FER: variants seen among roughly 807,000 people sequenced by gnomAD.
FER encodes FER tyrosine kinase.
A neutral mutation model predicts 111.0 loss-of-function variants in FER; 63 were observed. The observed-to-expected ratio is 0.57, with a 90% CI of 0.46 to 0.70. The LOEUF is 0.70. Ranked by LOEUF, FER falls within the 30% of genes least tolerant of loss-of-function variation. FER has a pLI of 0.00. For missense variants in FER, 914 were observed against 954.0 expected, an observed-to-expected ratio of 0.96 and a Z score of 0.55; for synonymous variants, 327 against 313.9, an observed-to-expected ratio of 1.04 and a Z score of -0.44.
At chr5:108,903,975 G>C (rs1400444261) in intron 10 of FER, among the ~76,000 whole-genome samples, 2 of 152,110 alleles carry the variant, frequency 1.3e-5, no homozygotes, top group Non-Finnish European at 2.9e-5. Context: ...TTTTACACAA[G>C]TGTTACAGCA....
intron 13 of FER, among the ~76,000 whole-genome samples, chr5:109,029,900 T>G (rs1464578634): frequency 1.3e-5 from 2 of 152,184 alleles, no homozygotes; most frequent in Non-Finnish European, 2.9e-5. Context: ...ATTATTTCTT[T>G]AAGTACTCTT....
At chr5:108,944,850 A>AATCTAT (rs376764528) in intron 10 of FER, among the ~76,000 whole-genome samples, 1 of 152,046 alleles carries the variant, frequency 6.6e-6, no homozygotes, top group African/African-American at 2.4e-5. Context: ...CCTTCATATG[A>AATCTAT]AAAGATGTTT....
intron 13 of FER, among the ~76,000 whole-genome samples, chr5:108,993,604 C>A (rs141831800): frequency 1.1e-3 from 115 of 108,054 alleles, no homozygotes; most frequent in African/African-American, 2.4e-3. Flanking sequence ...AGGGCGAGGG[C>A]GAGGGAGAGG....
intron 5 of FER, among the ~76,000 whole-genome samples, chr5:108,864,499 C>T (rs150545903): frequency 0.01 from 1,568 of 152,242 alleles, 28 homozygotes; most frequent in African/African-American, 0.036. Context: ...TGAGCCTAAG[C>T]AGAATGGCAA....
At position 109,192,929 on chromosome 5, in the gene FER, C is replaced by T. The variant is rs1013989399; in HGVS notation, c.*5354C>T. 6.6e-6 allele frequency: 1 copy of T among 151,834 alleles called. No individual in the cohort carries two copies. Among genetic ancestry groups the T allele is most frequent in the Non-Finnish European group, 1.5e-5 (1 of 67,936 alleles). The allele number at this position is 151,834 out of a possible 1,614,324, so 9.4% of individuals were successfully genotyped here. ...TAGTCAGGGTGCCTAAGGTAAGACA[C>T]AAAAAGAAAGAGACATCCAGAAAGG... On this transcript the variant is annotated 3_prime_UTR_variant, in exon 20 of 20. Transcript: ENST00000281092.
At position 108,897,676 on chromosome 5, in the gene FER, G is replaced by A. The variant is rs1026515840; in HGVS notation, c.1064G>A (p.Ser355Asn). ...EKKSDIVLLLSQKQALEELKQ... is the reference protein window; with the variant it reads ...EKKSDIVLLLNQKQALEELKQ... ...TCTTTTAGTATTGTGCTTCTGCTAA[G>A]CCAAAAACAGGCACTTGAAGAACTG... The change falls in exon 10 of 20, where the codon AGC becomes AAC. Residue 355 changes from serine to asparagine, a missense_variant. Ser to Asn is a conservative substitution (Grantham distance 46, BLOSUM62 1). This residue lies in a region of FER where 774 missense variants were observed against 782.6 expected (regional missense o/e 0.99). Coordinates refer to ENST00000281092, the MANE Select transcript of FER (RefSeq NM_005246.4). The A allele has an allele frequency of 1.4e-5, 22 of 1,597,034 alleles. No individual in the cohort carries two copies. Among genetic ancestry groups the A allele is most frequent in the Non-Finnish European group, 1.8e-5 (21 of 1,174,048 alleles).
chr5:108,958,362 G>T (rs1423135946), intron 12 of FER, among the ~76,000 whole-genome samples: 1 of 151,606 alleles, frequency 6.6e-6, no homozygotes, highest in East Asian at 1.9e-4. Context: ...ATCTTCCTGG[G>T]TATGAGAACT....
At chr5:108,989,878 G>A (rs116075611) in intron 13 of FER, among the ~76,000 whole-genome samples, 1,598 of 151,952 alleles carry the variant, frequency 0.011, 24 homozygotes, top group African/African-American at 0.036. Flanking sequence ...ATTTTAATTT[G>A]AAGAAGATAG....
intron 17 of FER, among the ~76,000 whole-genome samples, chr5:109,134,584 A>C (rs1354140732): frequency 6.6e-6 from 1 of 152,188 alleles, no homozygotes; most frequent in Admixed American, 6.5e-5. Context: ...ACACAGATTT[A>C]ACTTGGGTAA....
intron 10 of FER, among the ~76,000 whole-genome samples, chr5:108,932,412 A>G (rs1189256606): frequency 2.0e-5 from 3 of 152,148 alleles, no homozygotes; most frequent in African/African-American, 7.2e-5. Flanking sequence ...TTCTTTATCC[A>G]GCCTATCACT....
intron 13 of FER, among the ~76,000 whole-genome samples, chr5:108,976,126 T>C (rs73778362): frequency 0.059 from 8,922 of 152,176 alleles, 314 homozygotes; most frequent in South Asian, 0.11. Context: ...CAAGGGCCTA[T>C]GACAGATAAT....
At chr5:109,071,590 T>C (rs1464245015) in intron 16 of FER, among the ~76,000 whole-genome samples, 1 of 152,008 alleles carries the variant, frequency 6.6e-6, no homozygotes, top group Non-Finnish European at 1.5e-5. Context: ...CCTTTTAAGA[T>C]ATAGTGTTCC....
chr5:109,170,860 CTG>C (rs1757026864), intron 17 of FER, among the ~76,000 whole-genome samples: 1 of 152,160 alleles, frequency 6.6e-6, no homozygotes, highest in East Asian at 1.9e-4. Context: ...TCTACCACCT[CTG>C]TGAGGCTAGA....
chr5:108,950,222 C>A (rs1454667533), intron 11 of FER, among the ~76,000 whole-genome samples: 2 of 152,056 alleles, frequency 1.3e-5, no homozygotes. Flanking sequence ...TTGTTTAATA[C>A]AAGTTTTAGA....
intron 10 of FER, among the ~76,000 whole-genome samples, chr5:108,925,717 C>T (rs1753645825): frequency 6.6e-6 from 1 of 152,024 alleles, no homozygotes; most frequent in African/African-American, 2.4e-5. Context: ...ACGATTCTTG[C>T]TTTAATATTA....
chr5:109,089,754 C>T (rs535051888), intron 16 of FER, among the ~76,000 whole-genome samples: 1 of 152,280 alleles, frequency 6.6e-6, no homozygotes, highest in East Asian at 1.9e-4. Context: ...GCAATTTCTC[C>T]TGGGTTTGAG....
intron 16 of FER, among the ~76,000 whole-genome samples, chr5:109,084,353 G>A (rs934655395): frequency 2.6e-5 from 4 of 151,772 alleles, no homozygotes; most frequent in Admixed American, 6.6e-5. Flanking sequence ...AATTGTAGGA[G>A]TGTTTTATAA....
chr5:108,945,213 C>G (rs1210976740), intron 10 of FER, among the ~76,000 whole-genome samples: 1 of 152,112 alleles, frequency 6.6e-6, no homozygotes, highest in Non-Finnish European at 1.5e-5. Flanking sequence ...GTGTGCTTGA[C>G]AAAAGGATCT....
At chr5:109,050,346 A>T (rs912721040) in intron 16 of FER, among the ~76,000 whole-genome samples, 3 of 152,186 alleles carry the variant, frequency 2.0e-5, no homozygotes, top group Admixed American at 2.0e-4. Context: ...ATTGGCCCAC[A>T]CCACAAAAAT....
Sources: gnomAD v4.1 joint callset for allele counts (sites outside exome capture counted in the v4.1 genomes callset) on GRCh38, gnomAD v4.1.1 for gene constraint, gnomAD v4.1.1 regional missense constraint, MANE v1.5 for transcripts, NCBI Gene and HGNC (gene_info 2026-07-23, HGNC 2026-07-21) for gene names.